The following DENND1A variants were observed in gnomAD, a reference collection of about 807,000 sequenced individuals.
DENND1A encodes the protein DENN domain containing 1A, also known as DENN domain-containing protein 1A.
A neutral mutation model predicts 113.7 loss-of-function variants in DENND1A; 51 were observed. The observed-to-expected ratio is 0.45, with a 90% confidence interval of 0.36 to 0.57. DENND1A has a LOEUF of 0.57. Ranked by LOEUF, DENND1A falls within the 20% of genes least tolerant of loss-of-function variation. The pLI is 0.00. For missense variants in DENND1A, 1,258 were observed against 1,395.9 expected, an observed-to-expected ratio of 0.90 and a Z score of 1.57; for synonymous variants, 565 against 570.8, an observed-to-expected ratio of 0.99 and a Z score of 0.14.
At chr9:123,832,553 A>G (rs1282319686) in intron 2 of DENND1A, among the ~76,000 whole-genome samples, 2 of 152,230 alleles carry the variant, frequency 1.3e-5, no homozygotes, top group South Asian at 2.1e-4. Flanking sequence ...AACACCAGAT[A>G]TATTTACTAT....
chr9:123,768,179 G>A (rs1829139902), intron 4 of DENND1A, among the ~76,000 whole-genome samples: 1 of 152,074 alleles, frequency 6.6e-6, no homozygotes, highest in Non-Finnish European at 1.5e-5. Context: ...AATATTCCTG[G>A]TACCAGGATT....
Position 123,438,152 on chromosome 9 carries a change from G to C in DENND1A, c.1488+2208C>G, listed in dbSNP as rs1351085834. On this transcript the variant is annotated intron_variant, in intron 19 of 23. Coordinates refer to ENST00000394215, the MANE Select transcript of DENND1A (RefSeq NM_001352964.2). ...AAGTCCTTAAAACTCATGCCTGCCG[G>C]TAGTAGGTGCTCTAGAAACCGTACT... 1.3e-5 allele frequency among the ~76,000 whole-genome samples: 2 copies of C among 152,278 alleles called. 1 individual carries two copies. The highest frequency in any genetic ancestry group is 2.9e-5 in the Non-Finnish European group (2 of 68,026).
In DENND1A at chr9:123,557,575, C is replaced by A; in HGVS notation, c.988G>T (p.Glu330Ter). ...GACATGCCAAGGCTACTCACCGGCT[C>A]GATTTTCAGAGCGTTTCGGTAGCTA... ...FGSYRNALKIEPEEPITFCEE... is the reference protein window; with the variant it reads ...FGSYRNALKI Residue 330 changes from glutamate to a stop codon, truncating the protein, a stop_gained, in exon 13 of 24, where the codon GAG (glutamate) becomes TAG (stop). Coordinates refer to ENST00000394215, the MANE Select transcript of DENND1A (RefSeq NM_001352964.2). LOFTEE classifies it high-confidence loss of function. The A allele has an allele frequency of 6.2e-7, 1 of 1,613,688 alleles. No homozygotes were observed. The highest frequency in any genetic ancestry group is 8.5e-7 in the Non-Finnish European group (1 of 1,179,810).
chr9:123,523,790 A>G (rs567689725), intron 13 of DENND1A, among the ~76,000 whole-genome samples: 16 of 152,346 alleles, frequency 1.1e-4, no homozygotes, highest in South Asian at 2.1e-4. Context: ...AAAGTATTCA[A>G]TGTATGGGCT....
At chr9:123,687,031 T>A (rs1192644053) in intron 5 of DENND1A, among the ~76,000 whole-genome samples, 2 of 152,166 alleles carry the variant, frequency 1.3e-5, no homozygotes, top group Non-Finnish European at 2.9e-5. Context: ...GGCAACTTTT[T>A]CCATATGCTT....
At chr9:123,553,410 C>G (rs750774024) in intron 13 of DENND1A, among the ~76,000 whole-genome samples, 126 of 151,360 alleles carry the variant, frequency 8.3e-4, no homozygotes, top group African/African-American at 1.3e-3. Context: ...GCCCCCCCCC[C>G]GCTCCTCATC....
chr9:123,564,855 C>G (rs2057960620), intron 12 of DENND1A, among the ~76,000 whole-genome samples: 1 of 152,168 alleles, frequency 6.6e-6, no homozygotes. Flanking sequence ...ATCACTTCCT[C>G]TGTTGAACTG....
intron 13 of DENND1A, among the ~76,000 whole-genome samples, chr9:123,475,734 G>A (rs1010856085): frequency 3.9e-5 from 6 of 152,202 alleles, no homozygotes; most frequent in African/African-American, 7.2e-5. Context: ...GCTTCGTGTC[G>A]CCCAACAGAG....
At chr9:123,830,242 C>A (rs1215576629) in intron 2 of DENND1A, among the ~76,000 whole-genome samples, 2 of 151,978 alleles carry the variant, frequency 1.3e-5, no homozygotes, top group Non-Finnish European at 2.9e-5. Flanking sequence ...AAGAGAATTC[C>A]ATTTCTGTAA....
chr9:123,878,931 T>TA lies in DENND1A; in HGVS notation c.88+19dup, dbSNP rs1226947929. ...AAACAATAAGTAACACACCATATCA[T>TA]AATCAAACATGCAAAGTACCTGAAA... On this transcript the variant is annotated intron_variant, in intron 2 of 23. Transcript: ENST00000394215. 2 of 1,612,950 alleles carry TA rather than the reference T, an allele frequency of 1.2e-6. No individual in the cohort carries two copies. Among genetic ancestry groups the TA allele is most frequent in the East Asian group, 4.5e-5 (2 of 44,842 alleles).
chr9:123,816,025 G>C lies in DENND1A; in HGVS notation c.89-23395C>G, dbSNP rs1214278734. Among the ~76,000 whole-genome samples the C allele has an allele frequency of 2.4e-5, 3 of 123,322 alleles. No individual in the cohort carries two copies. The East Asian group carries it at 6.8e-4, about 28-fold the overall frequency. The allele number at this position is 123,322 out of a possible 152,430, so 80.9% of individuals were successfully genotyped here. A position where few individuals can be genotyped will look rare whatever the true frequency, so the allele number is the denominator to read the frequency against. Reference sequence around the variant, plus strand: ...TTTTTTTTTTTTTTTTTTTGAGACAGTGTCTCACTGTGTCACCCAGGCTGG... The same window carrying C: ...TTTTTTTTTTTTTTTTTTTGAGACACTGTCTCACTGTGTCACCCAGGCTGG... On this transcript the variant is annotated intron_variant, in intron 2 of 23. Transcript: ENST00000394215.
chr9:123,928,464 T>C, intron 1 of DENND1A: 5 of 768,334 alleles, frequency 6.5e-6, no homozygotes, highest in Non-Finnish European at 7.9e-6. Flanking sequence ...ATCCCAATGT[T>C]TCACAAACGA....
intron 13 of DENND1A, among the ~76,000 whole-genome samples, chr9:123,521,409 T>C (rs887124361): frequency 3.9e-5 from 6 of 152,234 alleles, no homozygotes; most frequent in Non-Finnish European, 8.8e-5. Context: ...TGTTACAACT[T>C]TGGGCAAGTC....
At chr9:123,412,886 G>A (rs1034515459) in intron 19 of DENND1A, among the ~76,000 whole-genome samples, 7 of 152,216 alleles carry the variant, frequency 4.6e-5, no homozygotes, top group Non-Finnish European at 8.8e-5. Flanking sequence ...CAAAAGGGGA[G>A]CCAATGTCCC....
intron 19 of DENND1A, among the ~76,000 whole-genome samples, chr9:123,424,824 T>C (rs944958587): frequency 1.2e-4 from 18 of 152,226 alleles, no homozygotes; most frequent in African/African-American, 3.9e-4. Flanking sequence ...GAGACGAAGT[T>C]TGTGAAGGGG....
chr9:123,443,500 T>C (rs950283333), intron 18 of DENND1A, among the ~76,000 whole-genome samples: 4 of 152,256 alleles, frequency 2.6e-5, no homozygotes, highest in African/African-American at 9.6e-5. Context: ...TGCTGCACCT[T>C]CATTTATTAG....
At chr9:123,546,094 A>G (rs1031120577) in intron 13 of DENND1A, among the ~76,000 whole-genome samples, 5 of 152,102 alleles carry the variant, frequency 3.3e-5, no homozygotes, top group Non-Finnish European at 5.9e-5. Context: ...GGTCATGACA[A>G]TTCTGCAGGA....
chr9:123,568,786 C>T (rs1161959717), intron 12 of DENND1A, among the ~76,000 whole-genome samples: 9 of 152,054 alleles, frequency 5.9e-5, no homozygotes, highest in Non-Finnish European at 1.3e-4. Flanking sequence ...GGCATCTCCA[C>T]CTCCTCAGGG....
intron 5 of DENND1A, among the ~76,000 whole-genome samples, chr9:123,702,073 A>G (rs1325725021): frequency 6.6e-6 from 1 of 152,238 alleles, no homozygotes; most frequent in East Asian, 1.9e-4. Flanking sequence ...AAACATAATA[A>G]GTGACCAGAA....
Sources: allele counts gnomAD v4.1 joint callset (sites outside exome capture counted in the v4.1 genomes callset), GRCh38; gene constraint gnomAD v4.1.1; transcripts MANE v1.5; gene names NCBI Gene and HGNC (gene_info 2026-07-23, HGNC 2026-07-21).